The following SEC63 variants were observed in gnomAD, a reference collection of about 807,000 sequenced individuals.
The protein encoded by SEC63 is translocation protein SEC63 homolog.
In SEC63, 56 loss-of-function variants were observed where a neutral mutation model predicts 116.2. The observed-to-expected ratio is 0.48, with a 90% CI of 0.39 to 0.60. The LOEUF (loss-of-function observed/expected upper bound fraction) is 0.60, where lower values mean the gene tolerates loss of function less well. Among genes scored for constraint, SEC63 ranks in the 20% least tolerant of loss-of-function variants. The pLI, the probability that SEC63 is intolerant of heterozygous loss-of-function variation, is 0.00. For missense variants in SEC63, 668 were observed against 900.0 expected (o/e 0.74, Z 3.30); for synonymous variants, 273 against 294.6 (o/e 0.93, Z 0.75).
chr6:107,947,263 C>A (rs924336681), intron 1 of SEC63, among the ~76,000 whole-genome samples: 1 of 152,124 alleles, frequency 6.6e-6, no homozygotes, highest in South Asian at 2.1e-4. Context: ...TGCTACTGCA[C>A]TCCAGCCTGG....
In SEC63 at chr6:107,868,347, G is replaced by A. The variant is rs1458652158; in HGVS notation, c.*3357C>T. On this transcript the variant is annotated 3_prime_UTR_variant, in exon 21 of 21. Coordinates refer to ENST00000369002, the MANE Select transcript of SEC63 (RefSeq NM_007214.5). ...TAATGCCAGCACTTTGGGAGGCTGAGGAGGGCTGATCACTTGAGGCCAGGA... is the reference window on the plus strand; with the variant it reads ...TAATGCCAGCACTTTGGGAGGCTGAAGAGGGCTGATCACTTGAGGCCAGGA... 2 of 152,172 alleles carry A rather than the reference G, an allele frequency of 1.3e-5. No individual in the cohort carries two copies. The highest frequency in any genetic ancestry group is 2.9e-5 in the Non-Finnish European group (2 of 68,026). 9.4% of individuals were successfully genotyped at this position (152,172 alleles called of 1,614,324 possible).
intron 16 of SEC63, among the ~76,000 whole-genome samples, chr6:107,885,426 A>G (rs1159082881): frequency 6.6e-6 from 1 of 152,230 alleles, no homozygotes; most frequent in Non-Finnish European, 1.5e-5. Context: ...TCAAATACAT[A>G]GGAGTAAATC....
intron 18 of SEC63, among the ~76,000 whole-genome samples, chr6:107,877,656 G>A (rs575167738): frequency 2.3e-4 from 35 of 152,142 alleles, no homozygotes; most frequent in African/African-American, 8.4e-4. Context: ...TGCCCTGGCT[G>A]GTCTTGAACT....
At chr6:107,945,888 T>C (rs1055159570) in intron 1 of SEC63, among the ~76,000 whole-genome samples, 1 of 152,120 alleles carries the variant, frequency 6.6e-6, no homozygotes, top group African/African-American at 2.4e-5. Context: ...ATAAAAGCAA[T>C]TTTACATAAT....
chr6:107,908,871 C>A, intron 8 of SEC63, 56 bp downstream of exon 8: 1 of 933,734 alleles, frequency 1.1e-6, no homozygotes, highest in South Asian at 1.4e-5. Context: ...TATATCAACC[C>A]CACATAAGTC....
intron 18 of SEC63, among the ~76,000 whole-genome samples, chr6:107,878,628 G>T (rs1283837319): frequency 6.6e-6 from 1 of 152,168 alleles, no homozygotes; most frequent in African/African-American, 2.4e-5. Flanking sequence ...GGCCAAGGCG[G>T]GTGGATCACT....
At chr6:107,878,987 T>C (rs942636700) in intron 18 of SEC63, among the ~76,000 whole-genome samples, 2 of 152,258 alleles carry the variant, frequency 1.3e-5, no homozygotes, top group African/African-American at 4.8e-5. Context: ...CAAAATTGTT[T>C]TTCTTTTGTG....
chr6:107,896,984 A>C (rs1663927366), intron 14 of SEC63, among the ~76,000 whole-genome samples: 1 of 151,858 alleles, frequency 6.6e-6, no homozygotes, highest in Admixed American at 6.6e-5. Context: ...CCGTCAAAAA[A>C]GAAAAAAAAA....
At chr6:107,888,217 A>G (rs995631980) in intron 16 of SEC63, among the ~76,000 whole-genome samples, 3 of 152,134 alleles carry the variant, frequency 2.0e-5, no homozygotes, top group African/African-American at 7.2e-5. Flanking sequence ...GATTCTTCCT[A>G]TCCATGAGCA....
chr6:107,957,626 G>A (rs868245076), intron 1 of SEC63: 51 of 301,584 alleles, frequency 1.7e-4, no homozygotes, highest in Middle Eastern at 9.5e-4. Flanking sequence ...GAGGCAGGAG[G>A]AGGCTGCAAG....
rs1316102518 is a variant in SEC63, at chr6:107,868,713, T to C, written c.*2991A>G. Reference sequence around the variant, plus strand: ...CATTCCAAATAATAGCCAAGGCAAATGGATTTAAATGGATTGCCACTCATC... The same window carrying C: ...CATTCCAAATAATAGCCAAGGCAAACGGATTTAAATGGATTGCCACTCATC... On this transcript the variant is annotated 3_prime_UTR_variant, in exon 21 of 21. Coordinates refer to ENST00000369002, the MANE Select transcript of SEC63 (RefSeq NM_007214.5). 1 of 149,628 alleles carries C rather than the reference T, an allele frequency of 6.7e-6. No homozygotes were observed. Among genetic ancestry groups the C allele is most frequent in the Non-Finnish European group, 1.5e-5 (1 of 67,528 alleles). 9.3% of individuals were successfully genotyped at this position (149,628 alleles called of 1,614,324 possible).
rs57714410 is a variant in SEC63, at chr6:107,927,088, A to G, written c.225-2156T>C. 3.0e-3 allele frequency among the ~76,000 whole-genome samples: 457 copies of G among 152,180 alleles called. 4 individuals carry two copies. The highest frequency in any genetic ancestry group is 0.01 in the African/African-American group (436 of 41,528). On this transcript the variant is annotated intron_variant, in intron 2 of 20. Coordinates refer to ENST00000369002, the MANE Select transcript of SEC63 (RefSeq NM_007214.5). ...ATCTTTTTTTCTGGGTGGGGAATGG[A>G]GTCTTACTCTGTCACCCAGGCTGGA...
chr6:107,898,538 T>G (rs975782330), intron 13 of SEC63, among the ~76,000 whole-genome samples: 1 of 152,122 alleles, frequency 6.6e-6, no homozygotes, highest in Non-Finnish European at 1.5e-5. Flanking sequence ...AAGAGACTTA[T>G]TTTTTTAAAG....
chr6:107,954,143 G>A (rs561055871), intron 1 of SEC63, among the ~76,000 whole-genome samples: 5 of 152,284 alleles, frequency 3.3e-5, no homozygotes, highest in African/African-American at 1.2e-4. Flanking sequence ...TCTGCCTTGG[G>A]ATCCTGTTGA....
intron 1 of SEC63, among the ~76,000 whole-genome samples, chr6:107,953,632 G>C (rs1192622261): frequency 7.7e-6 from 1 of 130,668 alleles, no homozygotes; most frequent in Non-Finnish European, 1.6e-5. Flanking sequence ...GCCTCTGCCC[G>C]GCCGCCCCTA....
At chr6:107,955,747 C>A (rs561365075) in intron 1 of SEC63, among the ~76,000 whole-genome samples, 21 of 152,052 alleles carry the variant, frequency 1.4e-4, no homozygotes, top group African/African-American at 5.1e-4. Context: ...TAAGCCAAGC[C>A]TGGTGGTGCA....
intron 11 of SEC63, among the ~76,000 whole-genome samples, chr6:107,903,242 A>C (rs1787049544): frequency 6.6e-6 from 1 of 152,218 alleles, no homozygotes; most frequent in Non-Finnish European, 1.5e-5. Context: ...CTCAAATAAT[A>C]GTAAATTATC....
chr6:107,930,628 T>C (rs1160900983), intron 1 of SEC63, among the ~76,000 whole-genome samples: 3 of 148,872 alleles, frequency 2.0e-5, no homozygotes, highest in Non-Finnish European at 4.5e-5. Flanking sequence ...AAAAAAAAAG[T>C]AGAGTAAAAT....
chr6:107,908,565 G>A (rs1010461723), intron 8 of SEC63, among the ~76,000 whole-genome samples: 3 of 152,096 alleles, frequency 2.0e-5, no homozygotes, highest in African/African-American at 7.2e-5. Flanking sequence ...AAGATGTACT[G>A]TAAAACAGCA....
Sources: allele counts gnomAD v4.1 joint callset (sites outside exome capture counted in the v4.1 genomes callset), GRCh38; gene constraint gnomAD v4.1.1; transcripts MANE v1.5; gene names NCBI Gene and HGNC (gene_info 2026-07-23, HGNC 2026-07-21).